Variants in ZZEF1 observed in about 807,000 individuals in gnomAD.
The protein encoded by ZZEF1 is zinc finger ZZ-type and EF-hand domain-containing protein 1.
Under a neutral mutation model 342.8 loss-of-function variants are expected in ZZEF1, and 157 were observed. The observed-to-expected ratio is 0.46, with a 90% CI of 0.40 to 0.52. ZZEF1 has a LOEUF of 0.52. Ranked by LOEUF, ZZEF1 falls within the 20% of genes least tolerant of loss-of-function variation. The pLI is 0.00. For synonymous variants in ZZEF1, 1,505 were observed against 1,429.1 expected (o/e 1.05, Z -1.20); for missense variants, 3,480 against 3,725.6 (o/e 0.93, Z 1.72).
intron 41 of ZZEF1, 47 bp from the exon 42 acceptor site, chr17:4,032,305 C>T (rs762032171): frequency 6.3e-7 from 1 of 1,590,870 alleles, no homozygotes; most frequent in South Asian, 1.1e-5. Context: ...AACATGGAGA[C>T]AAGAAAGAAT....
rs1259720499 is a variant in ZZEF1, at chr17:4,052,150, C to T, written c.5435-14G>A. ...GCTTCACCCCACCTGAGGAGAAACA[C>T]AGCAGTGTGAGGGGATGAGGTAGAG... On this transcript the variant is annotated splice_polypyrimidine_tract_variant and intron_variant, in intron 34 of 54. Coordinates refer to ENST00000381638, the MANE Select transcript of ZZEF1 (RefSeq NM_015113.4). The T allele has an allele frequency of 6.2e-7, 1 of 1,603,838 alleles. No homozygotes were observed. The highest frequency in any genetic ancestry group is 1.3e-5 in the African/African-American group (1 of 74,748).
rs77462263 is a variant in ZZEF1 at position 4,079,745 on chromosome 17, T to C, written c.2829+1631A>G. ...GTGCTCTGAGGTCCCCATCAGTGAA[T>C]TGGGGGAGACACCTGCTGATGGCCT... On this transcript the variant is annotated intron_variant, in intron 18 of 54. Coordinates refer to ENST00000381638, the MANE Select transcript of ZZEF1 (RefSeq NM_015113.4). 8.7e-3 allele frequency among the ~76,000 whole-genome samples: 1,316 copies of C among 152,116 alleles called. 17 individuals carry two copies. Among genetic ancestry groups the C allele is most frequent in the African/African-American group, 0.03 (1,255 of 41,480 alleles).
Position 4,017,998 on chromosome 17 carries a change from T to C in ZZEF1, c.7506-27A>G, listed in dbSNP as rs773203471. On this transcript the variant is annotated intron_variant, in intron 46 of 54. Transcript: ENST00000381638. This position sits in a 1 kb window ranked among gnomAD's most constrained non-coding sequence, Gnocchi z 5.1. ...TGCAGAAGGGCAGCACAAAGTTGAGTACCAACAGTGTAGACAGGCCAGTTT... is the reference window on the plus strand; with the variant it reads ...TGCAGAAGGGCAGCACAAAGTTGAGCACCAACAGTGTAGACAGGCCAGTTT... 4 of 1,611,148 alleles carry C rather than the reference T, an allele frequency of 2.5e-6. No homozygotes were observed. In the African/African-American group the frequency reaches 5.3e-5, roughly 22 times the overall value.
At position 4,114,464 on chromosome 17, in the gene ZZEF1, G is replaced by C; in HGVS notation, c.701C>G (p.Pro234Arg). The change falls in exon 4 of 55, where the codon CCT becomes CGT. Residue 234 changes from proline to arginine, a missense_variant. By Grantham distance (103) the Pro-to-Arg change is moderately radical. Coordinates refer to ENST00000381638, the MANE Select transcript of ZZEF1 (RefSeq NM_015113.4). The part of the protein sequence containing the change: ...DQLVQKEKES[P>R]GDLTRSPEMD... Reference sequence around the variant, plus strand: ...CTCTGGACTTCTAGTTAGATCTCCAGGGCTTTCTGTAGGGGAAACCAGAGT... The same window carrying C: ...CTCTGGACTTCTAGTTAGATCTCCACGGCTTTCTGTAGGGGAAACCAGAGT... 1 of 1,538,988 alleles carries C rather than the reference G, an allele frequency of 6.5e-7. No individual in the cohort carries two copies. The highest frequency in any genetic ancestry group is 1.3e-5 in the South Asian group (1 of 78,892).
chr17:4,124,035 T>C lies in ZZEF1; in HGVS notation c.371A>G (p.Asp124Gly). Residue 124 changes from aspartate (D) to glycine (G), a missense_variant, in exon 2 of 55, where the codon GAT becomes GGT. Transcript: ENST00000381638. ...EQFEEAFAQF[D>G]AEGDGTVDAE... ...ATCAACTGTCCCATCACCCTCAGCA[T>C]CAAACTGGGCAAAGGCCTACAAGAT... 1 of 1,613,594 alleles carries C rather than the reference T, an allele frequency of 6.2e-7. No individual in the cohort carries two copies. The highest frequency in any genetic ancestry group is 8.5e-7 in the Non-Finnish European group (1 of 1,179,824).
chr17:4,036,817 A>ACACTCT (rs754105162), intron 39 of ZZEF1, among the ~76,000 whole-genome samples: 118 of 72,568 alleles, frequency 1.6e-3, no homozygotes, highest in East Asian at 5.9e-3. Context: ...ACACACACAC[A>ACACTCT]CTCTCTCTCT....
At chr17:4,052,574 A>G (rs373687146) in intron 34 of ZZEF1, among the ~76,000 whole-genome samples, 88 of 152,326 alleles carry the variant, frequency 5.8e-4, no homozygotes, top group Middle Eastern at 3.4e-3. Context: ...AAAATTAAAA[A>G]ATTAAAAAAG....
chr17:4,135,089 T>C (rs529660484), intron 1 of ZZEF1, among the ~76,000 whole-genome samples: 20 of 152,254 alleles, frequency 1.3e-4, no homozygotes, highest in Non-Finnish European at 2.6e-4. Context: ...AAGGGCACCA[T>C]GGGGCCACTG....
At chr17:4,039,907 G>A (rs2056766719) in intron 39 of ZZEF1, among the ~76,000 whole-genome samples, 1 of 152,104 alleles carries the variant, frequency 6.6e-6, no homozygotes, top group Non-Finnish European at 1.5e-5. Context: ...GCCTCCCAAA[G>A]TGCTGGGATT....
At chr17:4,012,510 G>C (rs2055989293) in intron 52 of ZZEF1, among the ~76,000 whole-genome samples, 1 of 152,198 alleles carries the variant, frequency 6.6e-6, no homozygotes, top group Non-Finnish European at 1.5e-5. Flanking sequence ...GGAAGAATGA[G>C]CTCCTGACAG....
At chr17:4,044,501 G>T in intron 37 of ZZEF1, 127 bp from the exon 38 acceptor site, 1 of 778,872 alleles carries the variant, frequency 1.3e-6, no homozygotes, top group Non-Finnish European at 2.0e-6. Context: ...ATTAGAAAAT[G>T]CCACTCATTT....
chr17:4,029,571 AG>A (rs1370708596), intron 42 of ZZEF1, among the ~76,000 whole-genome samples: 4 of 152,254 alleles, frequency 2.6e-5, no homozygotes, highest in Non-Finnish European at 4.4e-5. Flanking sequence ...TCTATTGCCA[AG>A]GAAGAAAGGT....
chr17:4,050,370 C>T (rs1282435321), intron 36 of ZZEF1, among the ~76,000 whole-genome samples: 1 of 152,154 alleles, frequency 6.6e-6, no homozygotes, highest in African/African-American at 2.4e-5. Flanking sequence ...GAGTCAGATT[C>T]ATGTCGATAT....
Position 4,143,002 on chromosome 17 carries a change from A to ACGG in ZZEF1, c.-110_-108dup. On this transcript the variant is annotated 5_prime_UTR_variant, in exon 1 of 55. Coordinates refer to ENST00000381638, the MANE Select transcript of ZZEF1 (RefSeq NM_015113.4). The stretch of plus-strand genomic sequence containing the variant: ...GGCGGGCGGGGACGCGGAGGAGACG[A>ACGG]CGGCGGCCCCTGCGGCTTCCGGCTT... 1 of 1,269,218 alleles carries ACGG rather than the reference A, an allele frequency of 7.9e-7. No individual in the cohort carries two copies. The allele number at this position is 1,269,218 out of a possible 1,614,324, so 78.6% of individuals were successfully genotyped here.
chr17:4,044,196 A>C (rs778462453), intron 38 of ZZEF1, 28 bp downstream of exon 38: 1 of 1,610,844 alleles, frequency 6.2e-7, no homozygotes, highest in Non-Finnish European at 8.5e-7. Context: ...GATGAAAGAG[A>C]TGAAGATAAT....
Position 4,117,115 on chromosome 17 carries a change from G to A in ZZEF1, c.551C>T (p.Ser184Leu). The A allele has an allele frequency of 6.2e-7, 1 of 1,614,068 alleles. No individual in the cohort carries two copies. The highest frequency in any genetic ancestry group is 1.7e-5 in the Admixed American group (1 of 60,014). The stretch of plus-strand genomic sequence containing the variant: ...GCGGTGCAGGAAGCGCAGTATCATT[G>A]ACGAGTGAATATCAAGGCCCTCCTT... ...ESKEGLDIHS[S>L]MILRFLHRNR... Residue 184 changes from serine to leucine, a missense_variant, in exon 3 of 55, where the codon TCA (serine) becomes TTA (leucine). Ser to Leu is a moderately radical substitution (Grantham distance 145). Around this residue, in one of 5 missense-constraint regions of ZZEF1, gnomAD observed 416 missense variants for 374.2 expected, o/e 1.11. Coordinates refer to ENST00000381638, the MANE Select transcript of ZZEF1 (RefSeq NM_015113.4).
At chr17:4,051,827 G>A in intron 35 of ZZEF1, 144 bp downstream of exon 35, 1 of 759,002 alleles carries the variant, frequency 1.3e-6, no homozygotes, top group Non-Finnish European at 2.0e-6. Context: ...GGTACATGAA[G>A]GTTCACTGTG....
In ZZEF1 at chr17:4,017,237, T is replaced by C; in HGVS notation, c.8001+134A>G. On this transcript the variant is annotated intron_variant, in intron 48 of 54. Coordinates refer to ENST00000381638, the MANE Select transcript of ZZEF1 (RefSeq NM_015113.4). The surrounding 1 kb of genome is among the most constrained non-coding windows in gnomAD (Gnocchi z 5.1). ...GGGAGAGGATACAGTGACCCTACCT[T>C]TGCTGCATTCACACCTGTCAGGGAG... The C allele has an allele frequency of 2.0e-5, 26 of 1,277,462 alleles. No individual in the cohort carries two copies. Among genetic ancestry groups the C allele is most frequent in the Non-Finnish European group, 2.6e-5 (24 of 939,804 alleles). 79.1% of individuals were successfully genotyped at this position (1,277,462 alleles called of 1,614,324 possible).
chr17:4,061,869 A>G (rs2057293738), intron 30 of ZZEF1, among the ~76,000 whole-genome samples: 1 of 151,804 alleles, frequency 6.6e-6, no homozygotes, highest in African/African-American at 2.4e-5. Flanking sequence ...ACTGCCACAG[A>G]CTCCTAACTG....
Sources: gnomAD v4.1 joint callset for allele counts (sites outside exome capture counted in the v4.1 genomes callset) on GRCh38, gnomAD v4.1.1 for gene constraint, gnomAD v4.1.1 regional missense constraint, Gnocchi (gnomAD v3.1) non-coding constraint, MANE v1.5 for transcripts, NCBI Gene and HGNC (gene_info 2026-07-23, HGNC 2026-07-21) for gene names.